AOAH: variants seen among roughly 807,000 people sequenced by gnomAD.
AOAH encodes acyloxyacyl hydrolase (neutrophil).
A neutral mutation model predicts 92.2 loss-of-function variants in AOAH; 64 were observed. That is an observed-to-expected ratio of 0.69 (90% CI 0.57 to 0.86). AOAH has a LOEUF of 0.86. Among genes scored for constraint, AOAH ranks in the 40% least tolerant of loss-of-function variants. The pLI, the probability that AOAH is intolerant of heterozygous loss-of-function variation, is 0.00. For synonymous variants in AOAH, 263 were observed against 254.5 expected (o/e 1.03, Z -0.32); for missense variants, 656 against 694.6 (o/e 0.94, Z 0.62).
intron 13 of AOAH, among the ~76,000 whole-genome samples, chr7:36,569,339 G>A (rs1236345871): frequency 1.3e-5 from 2 of 152,202 alleles, no homozygotes; most frequent in African/African-American, 2.4e-5. Flanking sequence ...GTGCATCTCA[G>A]TGACTTCTCC....
chr7:36,628,460 C>T (rs1039562934), intron 6 of AOAH, among the ~76,000 whole-genome samples: 2 of 152,120 alleles, frequency 1.3e-5, no homozygotes, highest in Non-Finnish European at 2.9e-5. Context: ...CATGTGTTCC[C>T]TCATTTATTC....
intron 13 of AOAH, among the ~76,000 whole-genome samples, chr7:36,558,271 G>A (rs1786949413): frequency 6.6e-6 from 1 of 152,192 alleles, no homozygotes; most frequent in African/African-American, 2.4e-5. Flanking sequence ...GTTTGCCTGG[G>A]TATCAGCAGC....
Position 36,608,874 on chromosome 7 carries a change from C to A in AOAH, c.846+7506G>T, listed in dbSNP as rs180914780. On this transcript the variant is annotated intron_variant, in intron 11 of 20. Transcript: ENST00000617537. Reference sequence around the variant, plus strand: ...GTTTGGACAATAAATTATATGCTCACCATAACTATTAATATTAGGAGCTGT... The same window carrying A: ...GTTTGGACAATAAATTATATGCTCAACATAACTATTAATATTAGGAGCTGT... Among the ~76,000 whole-genome samples the A allele has an allele frequency of 2.5e-4, 34 of 136,088 alleles. 1 individual carries two copies. In the East Asian group the frequency reaches 7.2e-3, roughly 29 times the overall value. 89.3% of individuals were successfully genotyped at this position (136,088 alleles called of 152,430 possible). A position where few individuals can be genotyped will look rare whatever the true frequency, so the allele number is the denominator to read the frequency against.
chr7:36,516,145 CAT>C lies in AOAH; in HGVS notation c.1600-2767_1600-2766del, dbSNP rs1479833844. On this transcript the variant is annotated intron_variant, in intron 20 of 20. Coordinates refer to ENST00000617537, the MANE Select transcript of AOAH (RefSeq NM_001637.4). The surrounding 1 kb of genome is among the most constrained non-coding windows in gnomAD (Gnocchi z 5.0). ...ACACCACACACAGATACACCACACA[CAT>C]CTCACACACACACACCACACACCCC... 6.7e-6 allele frequency among the ~76,000 whole-genome samples: 1 copy of C among 149,820 alleles called. No individual in the cohort carries two copies. The highest frequency in any genetic ancestry group is 2.5e-5 in the African/African-American group (1 of 40,682).
intron 11 of AOAH, among the ~76,000 whole-genome samples, chr7:36,612,854 C>T (rs1791563983): frequency 6.6e-6 from 1 of 152,160 alleles, no homozygotes; most frequent in Non-Finnish European, 1.5e-5. Context: ...TTATGTTCTT[C>T]ATCATTAAAA....
chr7:36,582,360 A>G (rs967499560), intron 12 of AOAH, among the ~76,000 whole-genome samples: 4 of 152,210 alleles, frequency 2.6e-5, no homozygotes, highest in Admixed American at 6.5e-5. Context: ...AACTCCAGGC[A>G]TAGGCATGGA....
chr7:36,584,379 C>T (rs187355735), intron 12 of AOAH, among the ~76,000 whole-genome samples: 60 of 152,256 alleles, frequency 3.9e-4, no homozygotes, highest in African/African-American at 1.3e-3. Context: ...TTGGTTACAA[C>T]GATTCTACTA....
intron 13 of AOAH, among the ~76,000 whole-genome samples, chr7:36,561,431 G>T (rs1787258862): frequency 6.6e-6 from 1 of 152,142 alleles, no homozygotes; most frequent in African/African-American, 2.4e-5. Context: ...TCTATTCAGG[G>T]AAGGTGCCAG....
chr7:36,663,803 A>G lies in AOAH; in HGVS notation c.291-4538T>C, dbSNP rs886312651. On this transcript the variant is annotated intron_variant, in intron 3 of 20. Transcript: ENST00000617537. ...TGTGGGGACATAAGTTTTCAGTTCAATTGGGTAAATACCCAGCGGTATGAA... is the reference window on the plus strand; with the variant it reads ...TGTGGGGACATAAGTTTTCAGTTCAGTTGGGTAAATACCCAGCGGTATGAA... Among the ~76,000 whole-genome samples the G allele has an allele frequency of 9.2e-5, 14 of 152,304 alleles. 1 individual carries two copies. In the South Asian group the frequency reaches 2.3e-3, roughly 25 times the overall value.
intron 20 of AOAH, among the ~76,000 whole-genome samples, chr7:36,520,075 G>A (rs1784033779): frequency 1.3e-5 from 2 of 152,210 alleles, no homozygotes; most frequent in Admixed American, 6.5e-5. Flanking sequence ...AAGTCTTGCA[G>A]GAATAGCATA....
At chr7:36,534,698 G>C (rs188220590) in intron 16 of AOAH, among the ~76,000 whole-genome samples, 1 of 152,282 alleles carries the variant, frequency 6.6e-6, no homozygotes. Flanking sequence ...TACTTCTATG[G>C]GGTGCATGAA....
chr7:36,599,608 A>G (rs1402123614), intron 11 of AOAH: 4 of 152,238 alleles, frequency 2.6e-5, no homozygotes, highest in Non-Finnish European at 5.9e-5. Context: ...TGTTTTATCC[A>G]TTCCCCAGAA....
chr7:36,674,118 A>G, intron 2 of AOAH, 109 bp from the exon 3 acceptor site: 1 of 644,580 alleles, frequency 1.6e-6, no homozygotes, highest in Non-Finnish European at 2.7e-6. Flanking sequence ...TTAATTTATG[A>G]TTAATTTAAT....
intron 12 of AOAH, among the ~76,000 whole-genome samples, chr7:36,589,402 G>A (rs1180543853): frequency 6.6e-6 from 1 of 152,188 alleles, no homozygotes; most frequent in African/African-American, 2.4e-5. Context: ...GCCAAACACT[G>A]TTTCAAGAAC....
chr7:36,700,726 T>A (rs1797981596), intron 1 of AOAH, among the ~76,000 whole-genome samples: 1 of 152,072 alleles, frequency 6.6e-6, no homozygotes, highest in Non-Finnish European at 1.5e-5. Context: ...GTTTGAAAAG[T>A]AGTTCTATTT....
intron 3 of AOAH, among the ~76,000 whole-genome samples, chr7:36,660,019 T>A (rs1470230277): frequency 6.6e-6 from 1 of 152,220 alleles, no homozygotes; most frequent in Non-Finnish European, 1.5e-5. Flanking sequence ...ATTCTTCTTC[T>A]GGACAATAAG....
At chr7:36,699,342 G>T (rs368862556) in intron 1 of AOAH, among the ~76,000 whole-genome samples, 1 of 151,930 alleles carries the variant, frequency 6.6e-6, no homozygotes, top group Non-Finnish European at 1.5e-5. Flanking sequence ...TTGATGGATC[G>T]TATGGTAGTT....
chr7:36,638,996 A>G (rs1793712784), intron 4 of AOAH, among the ~76,000 whole-genome samples: 1 of 152,174 alleles, frequency 6.6e-6, no homozygotes, highest in South Asian at 2.1e-4. Context: ...CTATGGGGCC[A>G]CTGTGATAGT....
intron 5 of AOAH, among the ~76,000 whole-genome samples, chr7:36,634,938 A>AAAT (rs1793419882): frequency 6.6e-6 from 1 of 152,146 alleles, no homozygotes; most frequent in Non-Finnish European, 1.5e-5. Flanking sequence ...CATTGTGTAG[A>AAAT]AATTGGGGTT....
Sources: gnomAD v4.1 joint callset for allele counts (sites outside exome capture counted in the v4.1 genomes callset) on GRCh38, gnomAD v4.1.1 for gene constraint, Gnocchi (gnomAD v3.1) non-coding constraint, MANE v1.5 for transcripts, NCBI Gene and HGNC (gene_info 2026-07-23, HGNC 2026-07-21) for gene names.